GON4L: variants seen among roughly 807,000 people sequenced by gnomAD.
GON4L encodes the protein GON-4-like protein.
GON4L carries 87 observed loss-of-function variants against 211.8 expected under a neutral mutation model. The ratio of observed to expected loss-of-function variants is 0.41; its 90% confidence interval spans 0.35 to 0.49. The LOEUF (loss-of-function observed/expected upper bound fraction) is 0.49, where lower values mean the gene tolerates loss of function less well. Among genes scored for constraint, GON4L ranks in the 20% least tolerant of loss-of-function variants. The pLI, the probability that GON4L is intolerant of heterozygous loss-of-function variation, is 0.15. For missense variants in GON4L, 2,155 were observed against 2,659.5 expected (o/e 0.81, Z 4.17); for synonymous variants, 875 against 962.6 (o/e 0.91, Z 1.68).
Position 155,775,291 on chromosome 1 carries a change from C to T in GON4L, c.2179-118G>A. The T allele has an allele frequency of 2.3e-6, 3 of 1,324,868 alleles. No homozygotes were observed. In the Admixed American group the frequency reaches 5.5e-5, roughly 24 times the overall value. The allele number at this position is 1,324,868 out of a possible 1,614,324, so 82.1% of individuals were successfully genotyped here. On this transcript the variant is annotated intron_variant, in intron 16 of 31. Transcript: ENST00000368331. Reference sequence around the variant, plus strand: ...CTACAGGATAAAAACAGGTAAAAATCATCATAAAGTCTTTCACAATAAACT... The same window carrying T: ...CTACAGGATAAAAACAGGTAAAAATTATCATAAAGTCTTTCACAATAAACT...
intron 2 of GON4L, among the ~76,000 whole-genome samples, chr1:155,830,883 C>T (rs1669697396): frequency 6.6e-6 from 1 of 152,134 alleles, no homozygotes; most frequent in Non-Finnish European, 1.5e-5. Flanking sequence ...CCATGCCTGA[C>T]CCCAAATATT....
chr1:155,807,703 C>CAAAAAAAAA lies in GON4L; in HGVS notation c.1453-2571_1453-2563dup, dbSNP rs61248477. Among the ~76,000 whole-genome samples the CAAAAAAAAA allele has an allele frequency of 8.9e-4, 47 of 52,888 alleles. 8 individuals are homozygous for CAAAAAAAAA. Among genetic ancestry groups the CAAAAAAAAA allele is most frequent in the Non-Finnish European group, 1.2e-3 (40 of 32,818 alleles). The allele number at this position is 52,888 out of a possible 152,430, so 34.7% of individuals were successfully genotyped here. A position where few individuals can be genotyped will look rare whatever the true frequency, so the allele number is the denominator to read the frequency against. ...TGGGTGACAGAGCCAGACTCCGTCTCAAAAAAAAAAAAAAAAAAAAAAGAA... is the reference window on the plus strand; with the variant it reads ...TGGGTGACAGAGCCAGACTCCGTCTCAAAAAAAAAAAAAAAAAAAAAAAAAAAAAAAGAA... On this transcript the variant is annotated intron_variant, in intron 10 of 31. Transcript: ENST00000368331.
At position 155,784,666 on chromosome 1, in the gene GON4L, G is replaced by A. The variant is rs113564532; in HGVS notation, c.1789-577C>T. The A allele has an allele frequency of 4.2e-3, 712 of 167,904 alleles. 2 individuals are homozygous for A. The highest frequency in any genetic ancestry group is 0.016 in the African/African-American group (670 of 41,616). 10.4% of individuals were successfully genotyped at this position (167,904 alleles called of 1,614,324 possible). A position where few individuals can be genotyped will look rare whatever the true frequency, so the allele number is the denominator to read the frequency against. On this transcript the variant is annotated intron_variant, in intron 13 of 31. Transcript: ENST00000368331. ...CAAAGTGCTGGGATTACAAGCGTGA[G>A]CCACTGCACCCAGCCTCAAAATGAT...
chr1:155,855,761 T>C (rs890224983), intron 1 of GON4L, among the ~76,000 whole-genome samples: 1 of 152,034 alleles, frequency 6.6e-6, no homozygotes, highest in Middle Eastern at 3.2e-3. Flanking sequence ...GGCGGGCGGA[T>C]AACAAGGTCA....
At chr1:155,767,339 T>A (rs1662618505) in intron 20 of GON4L, 86 bp downstream of exon 20, 1 of 1,613,548 alleles carries the variant, frequency 6.2e-7, no homozygotes, top group African/African-American at 1.3e-5. Flanking sequence ...AACTAAAGCA[T>A]TAGACGATTA....
chr1:155,843,074 T>C (rs1224616756), intron 2 of GON4L, among the ~76,000 whole-genome samples: 2 of 152,044 alleles, frequency 1.3e-5, no homozygotes, highest in African/African-American at 4.8e-5. Context: ...AGACTTAAAG[T>C]TGCTATTTCA....
intron 23 of GON4L, among the ~76,000 whole-genome samples, chr1:155,761,094 G>C (rs532501788): frequency 1.3e-5 from 2 of 152,006 alleles, no homozygotes; most frequent in African/African-American, 4.8e-5. Context: ...TGCTTTCCAG[G>C]GGGATAAAGG....
intron 11 of GON4L, among the ~76,000 whole-genome samples, chr1:155,803,719 G>T (rs1293942140): frequency 1.3e-5 from 2 of 152,194 alleles, no homozygotes; most frequent in Non-Finnish European, 2.9e-5. Context: ...AGTACCAAGA[G>T]ACTGGGCATG....
At chr1:155,810,644 T>C (rs1415892489) in intron 10 of GON4L, among the ~76,000 whole-genome samples, 1 of 143,770 alleles carries the variant, frequency 7.0e-6, no homozygotes, top group East Asian at 2.2e-4. Context: ...GAGGCAGAGC[T>C]TGCAGTGAGC....
chr1:155,787,490 AGGCCACGGG>A (rs1665078316), intron 12 of GON4L, among the ~76,000 whole-genome samples: 1 of 152,108 alleles, frequency 6.6e-6, no homozygotes, highest in Non-Finnish European at 1.5e-5. Flanking sequence ...ATTAAGATCC[AGGCCACGGG>A]CAGTGGCTTA....
chr1:155,761,556 T>G (rs1305844310), intron 23 of GON4L, among the ~76,000 whole-genome samples: 3 of 149,294 alleles, frequency 2.0e-5, no homozygotes, highest in Non-Finnish European at 4.4e-5. Context: ...AGTGCAGTGG[T>G]GCGATCTCGG....
chr1:155,766,361 G>A lies in GON4L; in HGVS notation c.3112C>T (p.Arg1038Trp). 2 of 1,614,082 alleles carry A rather than the reference G, an allele frequency of 1.2e-6. No homozygotes were observed. The highest frequency in any genetic ancestry group is 1.7e-6 in the Non-Finnish European group (2 of 1,180,024). ...GCTGGCTGTATTGGGTGAGGAATCC[G>A]GAGCACCATTTTGCTCGGAGGGGCT... ...SEAPPSKMVL[R>W]IPHPIQPATV... Residue 1038 changes from arginine (R) to tryptophan (W), a missense_variant, in exon 21 of 32, where the codon CGG (arginine) becomes TGG (tryptophan). Arg to Trp is a moderately radical substitution (Grantham distance 101, BLOSUM62 -3). Transcript: ENST00000368331.
In GON4L at chr1:155,856,788, G is replaced by GGGGAAAAAAAGAAAAAGAAAGAAAGAAA. The variant is rs1393913071; in HGVS notation, c.-27+358_-27+359insTTTCTTTCTTTCTTTTTCTTTTTTTCCC. 6.3e-4 allele frequency among the ~76,000 whole-genome samples: 95 copies of GGGGAAAAAAAGAAAAAGAAAGAAAGAAA among 150,384 alleles called. 2 individuals carry two copies. Among genetic ancestry groups the GGGGAAAAAAAGAAAAAGAAAGAAAGAAA allele is most frequent in the African/African-American group, 2.2e-3 (88 of 39,790 alleles). ...AAAAAGAAAAAGAAAGAAAGAAAAA[G>GGGGAAAAAAAGAAAAAGAAAGAAAGAAA]AAGGAAAGAAAGACAGCTACTTCAG... On this transcript the variant is annotated intron_variant, in intron 1 of 31. Coordinates refer to ENST00000368331, the MANE Select transcript of GON4L (RefSeq NM_001282860.2).
chr1:155,784,322 G>C, intron 13 of GON4L: 1 of 333,282 alleles, frequency 3.0e-6, no homozygotes, highest in Non-Finnish European at 5.6e-6. Flanking sequence ...AGTAAGGACA[G>C]AGCGTGGATA....
chr1:155,752,628 T>A (rs34549037), intron 29 of GON4L, 38 bp from the exon 30 acceptor site: 29 of 1,557,490 alleles, frequency 1.9e-5, no homozygotes, highest in Middle Eastern at 1.9e-4. Context: ...TACTGTCAGG[T>A]TCAAGATGCA....
intron 2 of GON4L, among the ~76,000 whole-genome samples, chr1:155,833,772 G>A (rs1670035145): frequency 7.5e-6 from 1 of 133,248 alleles, no homozygotes; most frequent in Admixed American, 7.7e-5. Flanking sequence ...GGGAGGAGGG[G>A]AGGAGGGGGA....
At chr1:155,754,204 T>C in intron 28 of GON4L, 171 bp downstream of exon 28, 1 of 669,256 alleles carries the variant, frequency 1.5e-6, no homozygotes, top group Non-Finnish European at 2.8e-6. Flanking sequence ...AAAAACAAAA[T>C]CTATCACGTA....
intron 5 of GON4L, among the ~76,000 whole-genome samples, chr1:155,820,870 G>C (rs1668669764): frequency 6.6e-6 from 1 of 152,122 alleles, no homozygotes; most frequent in Non-Finnish European, 1.5e-5. Context: ...TGTAGTCCCA[G>C]CTACTCAAGA....
chr1:155,851,442 G>A lies in GON4L; in HGVS notation c.505+1834C>T, dbSNP rs376990016. 2.6e-5 allele frequency among the ~76,000 whole-genome samples: 4 copies of A among 151,426 alleles called. No individual in the cohort carries two copies. The East Asian group carries it at 7.8e-4, about 30-fold the overall frequency. ...AAAACCTTCACAATCTAGGCCGGGC[G>A]CAGTGGCTCACGCCTGTAATCCCAG... is the stretch of plus-strand genomic sequence containing the variant. On this transcript the variant is annotated intron_variant, in intron 2 of 31. Coordinates refer to ENST00000368331, the MANE Select transcript of GON4L (RefSeq NM_001282860.2).
Sources: gnomAD v4.1 joint callset for allele counts (sites outside exome capture counted in the v4.1 genomes callset) on GRCh38, gnomAD v4.1.1 for gene constraint, MANE v1.5 for transcripts, NCBI Gene and HGNC (gene_info 2026-07-23, HGNC 2026-07-21) for gene names.